Variants in RPN2 observed in about 807,000 individuals in gnomAD.
RPN2 encodes dolichyl-diphosphooligosaccharide--protein glycosyltransferase subunit 2.
RPN2 carries 29 observed loss-of-function variants against 71.4 expected under a neutral mutation model. The observed-to-expected ratio is 0.41, with a 90% CI of 0.30 to 0.55. The LOEUF (loss-of-function observed/expected upper bound fraction) is 0.55, where lower values mean the gene tolerates loss of function less well. RPN2 is among the 20% of genes least tolerant of loss of function. The pLI is 0.35. For missense variants in RPN2, 726 were observed against 774.1 expected, an observed-to-expected ratio of 0.94 and a Z score of 0.74; for synonymous variants, 308 against 305.0, an observed-to-expected ratio of 1.01 and a Z score of -0.10.
Position 37,198,438 on chromosome 20 carries a change from T to C in RPN2, c.249T>C (p.Asn83=). 6.2e-7 allele frequency: 1 copy of C among 1,614,216 alleles called. No homozygotes were observed. Among genetic ancestry groups the C allele is most frequent in the East Asian group, 2.2e-5 (1 of 44,888 alleles). Residue 83 remains asparagine (N), a synonymous_variant, in exon 3 of 17, where the codon AAT becomes AAC. Transcript: ENST00000237530. ...TCAGATCTAACCTTGATCCCAGCAA[T>C]GTGGATTCCCTCTTCTACGCTGCCC... ...TYIRSNLDPS[N]VDSLFYAAQA... is the part of the protein sequence containing the mutation.
intron 2 of RPN2, among the ~76,000 whole-genome samples, chr20:37,189,334 TG>T (rs2067088427): frequency 6.8e-6 from 1 of 146,802 alleles, no homozygotes; most frequent in Non-Finnish European, 1.5e-5. Context: ...TGTGTGTGTG[TG>T]TGTGTGTGTG....
intron 1 of RPN2, among the ~76,000 whole-genome samples, chr20:37,181,774 T>G (rs776552410): frequency 3.3e-5 from 5 of 152,202 alleles, no homozygotes; most frequent in African/African-American, 7.2e-5. Context: ...ATGACTTGCT[T>G]CTTCTTCAGA....
At chr20:37,201,281 C>CTTTTT (rs373838278) in intron 4 of RPN2, among the ~76,000 whole-genome samples, 2 of 105,122 alleles carry the variant, frequency 1.9e-5, no homozygotes, top group Non-Finnish European at 3.6e-5. Context: ...AGGTCATAAG[C>CTTTTT]TTTTTTTTTT....
At position 37,232,507 on chromosome 20, in the gene RPN2, A is replaced by C. The variant is rs2068280875; in HGVS notation, c.1677+116A>C. The C allele has an allele frequency of 3.2e-6, 4 of 1,238,152 alleles. No individual in the cohort carries two copies. The Admixed American group carries it at 5.1e-5, about 16-fold the overall frequency. 76.7% of individuals were successfully genotyped at this position (1,238,152 alleles called of 1,614,324 possible). ...CAGTAAAGCTCCAGAGGGGTCCAGCAGCTGTGACCTGAATTGATGCTCAAG... is the reference window on the plus strand; with the variant it reads ...CAGTAAAGCTCCAGAGGGGTCCAGCCGCTGTGACCTGAATTGATGCTCAAG... On this transcript the variant is annotated intron_variant, in intron 14 of 16. Transcript: ENST00000237530.
chr20:37,231,346 A>C (rs551201774), intron 13 of RPN2, among the ~76,000 whole-genome samples: 1 of 152,204 alleles, frequency 6.6e-6, no homozygotes, highest in South Asian at 2.1e-4. Flanking sequence ...AAGAGAATTC[A>C]TGTAGAATTG....
intron 4 of RPN2, among the ~76,000 whole-genome samples, chr20:37,200,052 T>G (rs1315271927): frequency 6.6e-6 from 1 of 152,002 alleles, no homozygotes; most frequent in Non-Finnish European, 1.5e-5. Flanking sequence ...TAGAGTGCAG[T>G]GACGCGATCT....
intron 2 of RPN2, among the ~76,000 whole-genome samples, chr20:37,194,337 C>G (rs1221745110): frequency 6.6e-6 from 1 of 152,170 alleles, no homozygotes; most frequent in Non-Finnish European, 1.5e-5. Context: ...TCTCGGCTCA[C>G]TGCAACCTCC....
chr20:37,183,769 A>T lies in RPN2; in HGVS notation c.14-411A>T, dbSNP rs148033745. On this transcript the variant is annotated intron_variant, in intron 1 of 16. Coordinates refer to ENST00000237530, the MANE Select transcript of RPN2 (RefSeq NM_002951.5). ...AGCCAAGTTGAGGTAAAAACATGGA[A>T]AAATGCTGAGCAGGAAAGAACCTGG... Among the ~76,000 whole-genome samples, 1,241 of 152,336 alleles carry T rather than the reference A, an allele frequency of 8.1e-3. 20 individuals carry two copies. Among genetic ancestry groups the T allele is most frequent in the African/African-American group, 0.028 (1,163 of 41,566 alleles).
chr20:37,202,993 C>T (rs1217811971), intron 4 of RPN2, among the ~76,000 whole-genome samples: 1 of 152,102 alleles, frequency 6.6e-6, no homozygotes, highest in Admixed American at 6.5e-5. Context: ...GGTGCAATCA[C>T]AGCTCACTGA....
intron 2 of RPN2, among the ~76,000 whole-genome samples, chr20:37,186,400 A>G (rs1050949172): frequency 6.6e-6 from 1 of 152,258 alleles, no homozygotes; most frequent in African/African-American, 2.4e-5. Flanking sequence ...TTAGGCATAC[A>G]CTACTGCACC....
intron 2 of RPN2, among the ~76,000 whole-genome samples, chr20:37,191,329 T>G (rs2067134114): frequency 6.6e-6 from 1 of 152,052 alleles, no homozygotes; most frequent in Admixed American, 6.5e-5. Context: ...ATACAGAAGT[T>G]AGCTGGGCGT....
intron 7 of RPN2, among the ~76,000 whole-genome samples, chr20:37,209,359 G>C (rs1465600901): frequency 6.6e-6 from 1 of 152,134 alleles, no homozygotes; most frequent in Non-Finnish European, 1.5e-5. Flanking sequence ...GGGTCTCACT[G>C]TATTGCCCAG....
intron 16 of RPN2, among the ~76,000 whole-genome samples, chr20:37,237,784 T>C (rs1329084432): frequency 6.6e-6 from 1 of 152,176 alleles, no homozygotes; most frequent in African/African-American, 2.4e-5. Context: ...GAGCCAGGAC[T>C]CAGTTGCTTT....
At chr20:37,237,200 C>T (rs1466824801) in intron 16 of RPN2, among the ~76,000 whole-genome samples, 1 of 152,156 alleles carries the variant, frequency 6.6e-6, no homozygotes, top group Admixed American at 6.5e-5. Flanking sequence ...GGAGTATCTC[C>T]TCAGTAGCCT....
chr20:37,184,131 A>T (rs760807826), intron 1 of RPN2, 49 bp from the exon 2 acceptor site: 13 of 1,604,280 alleles, frequency 8.1e-6, no homozygotes, highest in African/African-American at 1.3e-5. Flanking sequence ...GACTGTGTAT[A>T]GCACCTTGGA....
chr20:37,184,363 C>A lies in RPN2; in HGVS notation c.197C>A (p.Pro66Gln). Residue 66 changes from proline to glutamine, a missense_variant, in exon 2 of 17, where the codon CCA (proline) becomes CAA (glutamine). Pro to Gln is a moderately conservative substitution (Grantham distance 76). Coordinates refer to ENST00000237530, the MANE Select transcript of RPN2 (RefSeq NM_002951.5). The stretch of plus-strand genomic sequence containing the variant: ...CTCAGCAGCCTTGGTGCTCAGGTGC[C>A]AGATGCAAAGGTAAGGCTGCTTTTG... ...VGLSSLGAQV[P>Q]DAKKACTYIR... is the part of the protein sequence containing the mutation. 1 of 1,614,122 alleles carries A rather than the reference C, an allele frequency of 6.2e-7. No individual in the cohort carries two copies. Among genetic ancestry groups the A allele is most frequent in the South Asian group, 1.1e-5 (1 of 91,074 alleles).
Position 37,225,803 on chromosome 20 carries a change from G to C in RPN2, c.1299+1G>C. ...TGGTGCTGAACTCACTCCTCACCAGGTCAGGAAGACACCTAGACAGTTCTC... is the reference window on the plus strand; with the variant it reads ...TGGTGCTGAACTCACTCCTCACCAGCTCAGGAAGACACCTAGACAGTTCTC... On this transcript the variant is annotated splice_donor_variant, in intron 11 of 16. Transcript: ENST00000237530. LOFTEE classifies it high-confidence loss of function. 6.3e-7 allele frequency: 1 copy of C among 1,596,752 alleles called. No individual in the cohort carries two copies. The highest frequency in any genetic ancestry group is 2.2e-5 in the East Asian group (1 of 44,790).
intron 4 of RPN2, among the ~76,000 whole-genome samples, chr20:37,200,181 CAG>C (rs1441057008): frequency 6.6e-6 from 1 of 152,014 alleles, no homozygotes; most frequent in East Asian, 1.9e-4. Context: ...TTAGTAGAGA[CAG>C]GGTTTCACCA....
At chr20:37,210,795 G>T (rs2067643493) in intron 8 of RPN2, among the ~76,000 whole-genome samples, 1 of 152,024 alleles carries the variant, frequency 6.6e-6, no homozygotes, top group African/African-American at 2.4e-5. Context: ...GCCTCCCTAA[G>T]TGCTGAGGTT....
Sources: allele counts gnomAD v4.1 joint callset (sites outside exome capture counted in the v4.1 genomes callset), GRCh38; gene constraint gnomAD v4.1.1; transcripts MANE v1.5; gene names NCBI Gene and HGNC (gene_info 2026-07-23, HGNC 2026-07-21).